The following BACH2 variants were observed in gnomAD, a reference collection of about 807,000 sequenced individuals.
BACH2 encodes transcription regulator protein BACH2.
Under a neutral mutation model 61.8 loss-of-function variants are expected in BACH2, and 5 were observed. The ratio of observed to expected loss-of-function variants is 0.08; its 90% CI spans 0.04 to 0.17. BACH2 has a LOEUF of 0.17. BACH2 is among the 10% of genes least tolerant of loss of function. The pLI is 1.00. For synonymous variants in BACH2, 446 were observed against 440.1 expected (o/e 1.01, Z -0.17); for missense variants, 824 against 1,091.1 (o/e 0.76, Z 3.45).
chr6:90,204,458 A>G (rs951368120), intron 4 of BACH2, among the ~76,000 whole-genome samples: 1 of 152,180 alleles, frequency 6.6e-6, no homozygotes, highest in Admixed American at 6.5e-5. Flanking sequence ...TGAAGGTGAC[A>G]CATCATGCTT....
chr6:89,952,399 C>T (rs1188099052), intron 6 of BACH2, among the ~76,000 whole-genome samples: 1 of 152,182 alleles, frequency 6.6e-6, no homozygotes, highest in African/African-American at 2.4e-5. Flanking sequence ...ATTAAAACAA[C>T]TCCTGTTTTG....
intron 2 of BACH2, among the ~76,000 whole-genome samples, chr6:90,264,936 C>T (rs1161393892): frequency 6.6e-6 from 1 of 152,154 alleles, no homozygotes; most frequent in Non-Finnish European, 1.5e-5. Context: ...AACATAAGTG[C>T]TACAAATATT....
intron 5 of BACH2, among the ~76,000 whole-genome samples, chr6:90,057,406 T>A (rs1780422004): frequency 6.6e-6 from 1 of 152,132 alleles, no homozygotes; most frequent in African/African-American, 2.4e-5. Flanking sequence ...ACATACATCC[T>A]CCCAAGACTA....
chr6:90,041,824 C>A (rs1458690743), intron 5 of BACH2, among the ~76,000 whole-genome samples: 1 of 151,988 alleles, frequency 6.6e-6, no homozygotes, highest in Non-Finnish European at 1.5e-5. Context: ...CATGCTTTTG[C>A]ATTTATTAAT....
chr6:90,049,583 G>A (rs969256285), intron 5 of BACH2, among the ~76,000 whole-genome samples: 2 of 152,142 alleles, frequency 1.3e-5, no homozygotes. Flanking sequence ...CACTGCTGGT[G>A]CAAACGTAAT....
intron 5 of BACH2, among the ~76,000 whole-genome samples, chr6:90,085,593 T>C (rs1781900997): frequency 6.6e-6 from 1 of 152,184 alleles, no homozygotes; most frequent in South Asian, 2.1e-4. Flanking sequence ...GACAACTGTG[T>C]CTTTACTCTG....
At chr6:90,199,538 T>G (rs1768884169) in intron 4 of BACH2, among the ~76,000 whole-genome samples, 1 of 152,178 alleles carries the variant, frequency 6.6e-6, no homozygotes, top group Non-Finnish European at 1.5e-5. Context: ...AATTACATGG[T>G]AAGTTGTATT....
At chr6:90,224,364 G>T (rs1018642766) in intron 3 of BACH2, among the ~76,000 whole-genome samples, 2 of 152,102 alleles carry the variant, frequency 1.3e-5, no homozygotes, top group African/African-American at 2.4e-5. Context: ...TCCCACAGAG[G>T]CTCTGAAACG....
At chr6:90,121,265 T>C (rs1219886071) in intron 4 of BACH2, among the ~76,000 whole-genome samples, 3 of 152,198 alleles carry the variant, frequency 2.0e-5, no homozygotes, top group Admixed American at 6.5e-5. Context: ...ATGTAGTATC[T>C]TTTTAAAAAA....
chr6:90,031,327 C>G (rs1449964555), intron 5 of BACH2, among the ~76,000 whole-genome samples: 2 of 152,116 alleles, frequency 1.3e-5, no homozygotes, highest in East Asian at 3.9e-4. Flanking sequence ...CACTCCTATT[C>G]AACATAGTGT....
chr6:90,174,326 T>C (rs371247120), intron 4 of BACH2, among the ~76,000 whole-genome samples: 2 of 152,038 alleles, frequency 1.3e-5, no homozygotes, highest in Admixed American at 6.6e-5. Context: ...TCAAAGAATA[T>C]AGAAAAAGCA....
intron 6 of BACH2, among the ~76,000 whole-genome samples, chr6:89,969,693 C>T (rs1775254562): frequency 6.6e-6 from 1 of 152,166 alleles, no homozygotes; most frequent in South Asian, 2.1e-4. Context: ...TCCACCCCAC[C>T]TAAATGAAAC....
chr6:89,950,103 G>C lies in BACH2; in HGVS notation c.1836+167C>G, dbSNP rs1260324628. 3 of 772,354 alleles carry C rather than the reference G, an allele frequency of 3.9e-6. No homozygotes were observed. The highest frequency in any genetic ancestry group is 1.6e-5 in the South Asian group (1 of 62,342). The allele number at this position is 772,354 out of a possible 1,614,324, so 47.8% of individuals were successfully genotyped here. ...TTCTAGGACAGAAGTGGTTAATGTG[G>C]AATCACCTTCAGCATCCTGCCTCTG... On this transcript the variant is annotated intron_variant, in intron 7 of 8. Transcript: ENST00000257749. The surrounding 1 kb of genome is among the most constrained non-coding windows in gnomAD (Gnocchi z 5.3).
intron 4 of BACH2, among the ~76,000 whole-genome samples, chr6:90,092,297 T>A (rs62408200): frequency 0.032 from 2,564 of 81,322 alleles, 67 homozygotes; most frequent in African/African-American, 0.11. Flanking sequence ...AAAAAATATA[T>A]ATATATATAT....
chr6:90,134,998 A>G (rs1784223485), intron 4 of BACH2, among the ~76,000 whole-genome samples: 1 of 152,074 alleles, frequency 6.6e-6, no homozygotes, highest in Admixed American at 6.6e-5. Flanking sequence ...TGGCCCTGAG[A>G]TTTATACTCC....
chr6:90,060,948 G>A (rs1780655530), intron 5 of BACH2, among the ~76,000 whole-genome samples: 1 of 152,062 alleles, frequency 6.6e-6, no homozygotes, highest in African/African-American at 2.4e-5. Context: ...TATGCACTTA[G>A]CTACTTGTAT....
At chr6:90,101,523 C>A (rs1345871260) in intron 4 of BACH2, among the ~76,000 whole-genome samples, 2 of 152,040 alleles carry the variant, frequency 1.3e-5, no homozygotes, top group African/African-American at 4.8e-5. Context: ...GTTCTGGAAC[C>A]CTTGTTGAAA....
chr6:90,114,842 A>T (rs906395757), intron 4 of BACH2, among the ~76,000 whole-genome samples: 1 of 152,294 alleles, frequency 6.6e-6, no homozygotes, highest in South Asian at 2.1e-4. Flanking sequence ...ATCAAGGTAC[A>T]AAAATCACTA....
At position 89,928,917 on chromosome 6, in the gene BACH2, A is replaced by G. The variant is rs1361989333; in HGVS notation, c.*3491T>C. On this transcript the variant is annotated 3_prime_UTR_variant, in exon 9 of 9. Transcript: ENST00000257749. ...CTGTTTTGTTCCAGAATCAGTATGT[A>G]ATAAAGTTCGATTTTAATCAAGGCA... 1 of 151,964 alleles carries G rather than the reference A, an allele frequency of 6.6e-6. No individual in the cohort carries two copies. The highest frequency in any genetic ancestry group is 2.4e-5 in the African/African-American group (1 of 41,126). The allele number at this position is 151,964 out of a possible 1,614,324, so 9.4% of individuals were successfully genotyped here. A position where few individuals can be genotyped will look rare whatever the true frequency, so the allele number is the denominator to read the frequency against.
Sources: gnomAD v4.1 joint callset for allele counts (sites outside exome capture counted in the v4.1 genomes callset) on GRCh38, gnomAD v4.1.1 for gene constraint, Gnocchi (gnomAD v3.1) non-coding constraint, MANE v1.5 for transcripts, NCBI Gene and HGNC (gene_info 2026-07-23, HGNC 2026-07-21) for gene names.